SRGAP3: variants seen among roughly 807,000 people sequenced by gnomAD.
The protein encoded by SRGAP3 is SLIT-ROBO Rho GTPase activating protein 3, also known as SLIT-ROBO Rho GTPase-activating protein 3.
A neutral mutation model predicts 121.1 loss-of-function variants in SRGAP3; 39 were observed. The ratio of observed to expected loss-of-function variants is 0.32; its 90% CI spans 0.25 to 0.42. The LOEUF (loss-of-function observed/expected upper bound fraction) is 0.42, where lower values mean the gene tolerates loss of function less well. SRGAP3 is among the 10% of genes least tolerant of loss of function. SRGAP3 has a pLI of 1.00. For synonymous variants in SRGAP3, 601 were observed against 570.0 expected (o/e 1.05, Z -0.77); for missense variants, 1,213 against 1,470.6 (o/e 0.82, Z 2.86).
intron 3 of SRGAP3, among the ~76,000 whole-genome samples, chr3:9,266,749 C>T (rs1362798665): frequency 6.6e-6 from 1 of 152,126 alleles, no homozygotes; most frequent in African/African-American, 2.4e-5. Flanking sequence ...CCCTCCACTG[C>T]ACTCCATTTG....
chr3:9,341,913 C>T (rs3888097), intron 1 of SRGAP3, among the ~76,000 whole-genome samples: 9,481 of 152,118 alleles, frequency 0.062, 1,049 homozygotes, highest in African/African-American at 0.22. Flanking sequence ...TTTGTGCTAC[C>T]GGCGTTCTCC....
chr3:9,186,479 T>C (rs915514884), intron 1 of SRGAP3, among the ~76,000 whole-genome samples: 1 of 152,220 alleles, frequency 6.6e-6, no homozygotes. Context: ...GTATTATCAA[T>C]ATCATCTCTT....
chr3:9,027,071 AC>A, intron 12 of SRGAP3, 76 bp from the exon 13 acceptor site: 1 of 1,357,350 alleles, frequency 7.4e-7, no homozygotes, highest in Non-Finnish European at 1.1e-6. Flanking sequence ...AACACCGATT[AC>A]AGACTCAAGC....
rs983484359 is a variant in SRGAP3 at position 9,010,217 on chromosome 3, C to T, written c.2227+91G>A. On this transcript the variant is annotated intron_variant, in intron 18 of 21. Coordinates refer to ENST00000383836, the MANE Select transcript of SRGAP3 (RefSeq NM_014850.4). ...GGCTGACTTGGAAAGCTGAAGAGGT[C>T]TATGTGGGCCAGCCCTGTGGTTGGG... 2.3e-5 allele frequency: 33 copies of T among 1,436,662 alleles called. No individual in the cohort carries two copies. The African/African-American group carries it at 3.5e-4, about 15-fold the overall frequency. The allele number at this position is 1,436,662 out of a possible 1,614,324, so 89.0% of individuals were successfully genotyped here. A position where few individuals can be genotyped will look rare whatever the true frequency, so the allele number is the denominator to read the frequency against.
At chr3:9,261,166 G>A (rs896281482) in intron 3 of SRGAP3, among the ~76,000 whole-genome samples, 39 of 152,132 alleles carry the variant, frequency 2.6e-4, no homozygotes, top group African/African-American at 9.2e-4. Flanking sequence ...CAACAAAAAG[G>A]ACGTCCACGC....
chr3:9,282,900 C>T (rs762773841), intron 3 of SRGAP3, among the ~76,000 whole-genome samples: 7 of 152,110 alleles, frequency 4.6e-5, no homozygotes, highest in African/African-American at 1.7e-4. Context: ...GAATTTTCTA[C>T]TTTGACACTA....
chr3:8,999,986 T>G (rs1028759521), intron 18 of SRGAP3, among the ~76,000 whole-genome samples: 2 of 151,982 alleles, frequency 1.3e-5, no homozygotes, highest in Admixed American at 1.3e-4. Context: ...GTGAGAAAGG[T>G]GAAAATCTCT....
chr3:9,193,596 T>A (rs1319274113), intron 1 of SRGAP3: 2 of 152,272 alleles, frequency 1.3e-5, no homozygotes. Flanking sequence ...GAGGTGGGAC[T>A]AAGATCCCTG....
chr3:9,136,511 G>C (rs1575127661), intron 1 of SRGAP3, among the ~76,000 whole-genome samples: 2 of 152,098 alleles, frequency 1.3e-5, no homozygotes, highest in East Asian at 3.9e-4. Context: ...ACGCGAGCAA[G>C]CTCCTGGCAC....
At chr3:9,245,275 C>A (rs979702469) in intron 1 of SRGAP3, among the ~76,000 whole-genome samples, 1 of 152,144 alleles carries the variant, frequency 6.6e-6, no homozygotes, top group Non-Finnish European at 1.5e-5. Context: ...CTCTGAAGTC[C>A]GTCACAATCA....
intron 1 of SRGAP3, among the ~76,000 whole-genome samples, chr3:9,194,813 T>G (rs985968053): frequency 1.2e-4 from 19 of 152,310 alleles, no homozygotes; most frequent in Non-Finnish European, 2.2e-4. Context: ...TAACTTGCCA[T>G]AGAGAACACT....
At chr3:9,174,469 G>A (rs1434272701) in intron 1 of SRGAP3, among the ~76,000 whole-genome samples, 4 of 152,212 alleles carry the variant, frequency 2.6e-5, no homozygotes, top group Non-Finnish European at 5.9e-5. Flanking sequence ...GCAAGGTGGA[G>A]GGAGTAGGGA....
chr3:9,250,184 T>C (rs1953973286), upstream of SRGAP3, among the ~76,000 whole-genome samples: 2 of 152,210 alleles, frequency 1.3e-5, no homozygotes, highest in Admixed American at 1.3e-4. Context: ...CTCAGTTTCC[T>C]AGATAGTAAA....
At chr3:9,127,786 C>T (rs1319696292) in intron 1 of SRGAP3, among the ~76,000 whole-genome samples, 2 of 152,052 alleles carry the variant, frequency 1.3e-5, no homozygotes, top group Non-Finnish European at 2.9e-5. Context: ...GGCATGGTGG[C>T]ACATGCCTCT....
At chr3:9,237,346 G>A (rs1367812734) in intron 1 of SRGAP3, among the ~76,000 whole-genome samples, 1 of 152,146 alleles carries the variant, frequency 6.6e-6, no homozygotes, top group African/African-American at 2.4e-5. Flanking sequence ...GGTCAGGAAT[G>A]CTGCTAAACA....
At chr3:9,125,214 A>G (rs1442731898) in intron 1 of SRGAP3, among the ~76,000 whole-genome samples, 2 of 152,102 alleles carry the variant, frequency 1.3e-5, no homozygotes, top group Non-Finnish European at 2.9e-5. Flanking sequence ...TTTCTTCCAC[A>G]TGATCTAGTA....
At position 9,047,023 on chromosome 3, in the gene SRGAP3, G is replaced by A. The variant is rs9682196; in HGVS notation, c.1408+368C>T. Among the ~76,000 whole-genome samples, 1,213 of 152,012 alleles carry A rather than the reference G, an allele frequency of 8.0e-3. 26 individuals carry two copies. Among genetic ancestry groups the A allele is most frequent in the African/African-American group, 0.028 (1,164 of 41,462 alleles). On this transcript the variant is annotated intron_variant, in intron 10 of 21. Coordinates refer to ENST00000383836, the MANE Select transcript of SRGAP3 (RefSeq NM_014850.4). ...TTTTTTGTATTTTTTTAGTAGAGAC[G>A]GGGTTTCACCGTATTAGCCAGGATG... is the stretch of plus-strand genomic sequence containing the variant.
At chr3:9,202,875 G>A (rs1446664165) in intron 1 of SRGAP3, among the ~76,000 whole-genome samples, 1 of 152,256 alleles carries the variant, frequency 6.6e-6, no homozygotes, top group Admixed American at 6.5e-5. Flanking sequence ...CTAGGCTGAA[G>A]TAAGCCTCCT....
chr3:9,069,833 G>A (rs976422629), intron 4 of SRGAP3, among the ~76,000 whole-genome samples: 8 of 152,168 alleles, frequency 5.3e-5, no homozygotes, highest in Non-Finnish European at 1.2e-4. Flanking sequence ...TGTACTCCTA[G>A]CTACTCAGGA....
Sources: allele counts gnomAD v4.1 joint callset (sites outside exome capture counted in the v4.1 genomes callset), GRCh38; gene constraint gnomAD v4.1.1; transcripts MANE v1.5; gene names NCBI Gene and HGNC (gene_info 2026-07-23, HGNC 2026-07-21).